DCAF8: variants seen among roughly 807,000 people sequenced by gnomAD.
The protein encoded by DCAF8 is DDB1- and CUL4-associated factor 8.
A neutral mutation model predicts 68.0 loss-of-function variants in DCAF8; 20 were observed. The observed-to-expected ratio is 0.29, with a 90% CI of 0.21 to 0.43. The LOEUF is 0.43. Ranked by LOEUF, DCAF8 falls within the 20% of genes least tolerant of loss-of-function variation. The pLI is 1.00. For synonymous variants in DCAF8, 230 were observed against 276.9 expected, an observed-to-expected ratio of 0.83 and a Z score of 1.68; for missense variants, 460 against 771.0, an observed-to-expected ratio of 0.60 and a Z score of 4.78.
chr1:160,246,500 A>G (rs1390036578), intron 2 of DCAF8, among the ~76,000 whole-genome samples: 2 of 152,204 alleles, frequency 1.3e-5, no homozygotes, highest in Non-Finnish European at 2.9e-5. Context: ...GAAAACTTTG[A>G]GCAGGAACCT....
At chr1:160,239,111 TA>T (rs1312699960) in intron 4 of DCAF8, 3 of 984,964 alleles carry the variant, frequency 3.0e-6, no homozygotes, top group African/African-American at 3.5e-5. Flanking sequence ...AAAAGGAAAA[TA>T]GGGGGAATGT....
At position 160,240,348 on chromosome 1, in the gene DCAF8, C is replaced by T. The variant is rs1274971084; in HGVS notation, c.72G>A (p.Glu24=). The part of the protein sequence containing the change: ...LANGSLSSSP[E]EMSGAEEGRE... ...TCCCCTCTTCAGCTCCAGACATCTCCTCTGGACTGCTAGACAGGCTTCCTG... is the reference window on the plus strand; with the variant it reads ...TCCCCTCTTCAGCTCCAGACATCTCTTCTGGACTGCTAGACAGGCTTCCTG... Residue 24 remains glutamate, a synonymous_variant, in exon 4 of 14, where the codon GAG becomes GAA. Coordinates refer to ENST00000368074, the MANE Select transcript of DCAF8 (RefSeq NM_015726.4). 2.5e-6 allele frequency: 4 copies of T among 1,611,902 alleles called. No homozygotes were observed. The highest frequency in any genetic ancestry group is 4.5e-5 in the East Asian group (2 of 44,876).
chr1:160,259,025 A>G (rs1345329220), intron 2 of DCAF8, among the ~76,000 whole-genome samples: 1 of 152,178 alleles, frequency 6.6e-6, no homozygotes, highest in Non-Finnish European at 1.5e-5. Flanking sequence ...TTACCTTACA[A>G]TGGAGAATTT....
chr1:160,257,980 T>C (rs1339639604), intron 2 of DCAF8, among the ~76,000 whole-genome samples: 1 of 152,190 alleles, frequency 6.6e-6, no homozygotes, highest in Non-Finnish European at 1.5e-5. Flanking sequence ...CCTCCCACCT[T>C]GGCCTCCCAA....
intron 2 of DCAF8, among the ~76,000 whole-genome samples, chr1:160,256,466 T>C (rs1424634218): frequency 1.3e-5 from 2 of 152,014 alleles, no homozygotes; most frequent in Non-Finnish European, 2.9e-5. Flanking sequence ...TAACAAAACA[T>C]ACCTGGTAAT....
chr1:160,225,699 A>G (rs754313895), intron 7 of DCAF8, 36 bp from the exon 8 acceptor site: 2 of 1,561,378 alleles, frequency 1.3e-6, no homozygotes, highest in Non-Finnish European at 1.8e-6. Context: ...GTAAAAATGT[A>G]CAAACGAAAC....
At chr1:160,221,342 G>A (rs1376675952) in intron 11 of DCAF8, 1 of 152,218 alleles carries the variant, frequency 6.6e-6, no homozygotes, top group African/African-American at 2.4e-5. Context: ...CACTGCAGAT[G>A]ACACAGGGGG....
intron 13 of DCAF8, 89 bp downstream of exon 13, chr1:160,218,235 T>G: frequency 1.0e-6 from 1 of 956,714 alleles, no homozygotes; most frequent in South Asian, 1.3e-5. Flanking sequence ...CAAGATCACC[T>G]GATTACTGCT....
At chr1:160,247,205 T>A (rs901404293) in intron 2 of DCAF8, among the ~76,000 whole-genome samples, 1 of 152,184 alleles carries the variant, frequency 6.6e-6, no homozygotes, top group Non-Finnish European at 1.5e-5. Context: ...AGGAGTTTAA[T>A]TAGATTAGCT....
rs1020329725 is a variant in DCAF8, at chr1:160,217,455, T to C, written c.*137A>G. 4 of 611,510 alleles carry C rather than the reference T, an allele frequency of 6.5e-6. No homozygotes were observed. Among genetic ancestry groups the C allele is most frequent in the Non-Finnish European group, 1.1e-5 (4 of 351,800 alleles). 37.9% of individuals were successfully genotyped at this position (611,510 alleles called of 1,614,324 possible). ...GGTTCACTCCTCTGGTTTGTCCTTC[T>C]CCTGGGATGTCTTTCTTTTATCTAA... is the stretch of plus-strand genomic sequence containing the variant. On this transcript the variant is annotated 3_prime_UTR_variant, in exon 14 of 14. Transcript: ENST00000368074.
intron 4 of DCAF8, 89 bp downstream of exon 4, chr1:160,239,608 T>G: frequency 6.2e-7 from 1 of 1,613,094 alleles, no homozygotes; most frequent in Non-Finnish European, 8.5e-7. Flanking sequence ...CTACAATAAC[T>G]CACTATCAGC....
chr1:160,225,459 G>A (rs1655440197), intron 8 of DCAF8, 132 bp downstream of exon 8: 1 of 694,952 alleles, frequency 1.4e-6, no homozygotes, highest in Non-Finnish European at 2.5e-6. Flanking sequence ...GCTGGTAAGT[G>A]GTAAAGCCAG....
intron 2 of DCAF8, among the ~76,000 whole-genome samples, chr1:160,257,341 A>T (rs368125038): frequency 6.6e-6 from 1 of 152,140 alleles, no homozygotes; most frequent in African/African-American, 2.4e-5. Context: ...TGCAATAAAA[A>T]GTCTGGTTTG....
intron 11 of DCAF8, 107 bp downstream of exon 11, chr1:160,222,544 A>C: frequency 4.8e-6 from 7 of 1,471,220 alleles, no homozygotes; most frequent in Non-Finnish European, 6.5e-6. Flanking sequence ...CTGGACCTCT[A>C]AAACATGGTA....
chr1:160,227,173 C>T (rs1655505078), intron 7 of DCAF8, among the ~76,000 whole-genome samples: 1 of 152,166 alleles, frequency 6.6e-6, no homozygotes, highest in Admixed American at 6.5e-5. Flanking sequence ...TACTGGAGAA[C>T]ATCAGCATTT....
chr1:160,225,913 G>A (rs748591910), intron 7 of DCAF8, among the ~76,000 whole-genome samples: 54 of 152,032 alleles, frequency 3.6e-4, no homozygotes, highest in Non-Finnish European at 7.6e-4. Context: ...GCATGACCCC[G>A]GCTCACTGCA....
At chr1:160,224,240 T>C (rs1168141847) in intron 10 of DCAF8, among the ~76,000 whole-genome samples, 5 of 152,196 alleles carry the variant, frequency 3.3e-5, no homozygotes. Context: ...GCAACATTAT[T>C]GGAGTGGCAA....
intron 2 of DCAF8, among the ~76,000 whole-genome samples, chr1:160,258,864 G>A (rs371184326): frequency 6.6e-6 from 1 of 152,168 alleles, no homozygotes; most frequent in East Asian, 1.9e-4. Context: ...CAGCACATAA[G>A]GAAATAAACA....
chr1:160,245,279 A>T (rs1656273774), intron 2 of DCAF8, among the ~76,000 whole-genome samples: 1 of 152,308 alleles, frequency 6.6e-6, no homozygotes, highest in Non-Finnish European at 1.5e-5. Context: ...GCAAAGAATA[A>T]TATTATTCAG....
Sources: allele counts gnomAD v4.1 joint callset (sites outside exome capture counted in the v4.1 genomes callset), GRCh38; gene constraint gnomAD v4.1.1; transcripts MANE v1.5; gene names NCBI Gene and HGNC (gene_info 2026-07-23, HGNC 2026-07-21).